CRYL1: variants seen among roughly 807,000 people sequenced by gnomAD.
CRYL1 encodes the protein crystallin lambda 1.
A neutral mutation model predicts 36.6 loss-of-function variants in CRYL1; 29 were observed. That is an observed-to-expected ratio of 0.79 (90% confidence interval 0.59 to 1.08). The LOEUF is 1.08. Among genes scored for constraint, CRYL1 ranks in the 50% least tolerant of loss-of-function variants. The pLI is 0.00. For synonymous variants in CRYL1, 152 were observed against 151.5 expected (o/e 1.00, Z -0.02); for missense variants, 411 against 407.9 (o/e 1.01, Z -0.06).
At chr13:20,411,483 G>GA (rs149305407) in intron 6 of CRYL1, among the ~76,000 whole-genome samples, 3,395 of 150,948 alleles carry the variant, frequency 0.022, 70 homozygotes, top group Admixed American at 0.032. Flanking sequence ...TTTTTCTCAA[G>GA]AAAAAAAAGG....
intron 7 of CRYL1, 80 bp from the exon 8 acceptor site, chr13:20,404,322 C>T (rs1456215815): frequency 3.6e-5 from 34 of 953,112 alleles, no homozygotes. Flanking sequence ...CTTGTTTATG[C>T]AAACTGTGCA....
chr13:20,404,647 C>A lies in CRYL1; in HGVS notation c.834G>T (p.Glu278Asp), dbSNP rs1565953574. 1 of 1,611,102 alleles carries A rather than the reference C, an allele frequency of 6.2e-7. No homozygotes were observed. The highest frequency in any genetic ancestry group is 8.5e-7 in the Non-Finnish European group (1 of 1,177,288). Residue 278 changes from glutamate (E) to aspartate (D), a missense_variant, in exon 7 of 8, where the codon GAG (glutamate) becomes GAT (aspartate). Coordinates refer to ENST00000298248, the MANE Select transcript of CRYL1 (RefSeq NM_015974.3). The stretch of plus-strand genomic sequence containing the variant: ...AGAAGTTACATACCTGGTTAACCTT[C>A]TCAGCAGTGGCCCTGGAAAACTCTG... ...PIPEFSRATAEKVNQDMCMKV... is the reference protein window; with the variant it reads ...PIPEFSRATADKVNQDMCMKV...
intron 4 of CRYL1, among the ~76,000 whole-genome samples, chr13:20,436,118 C>T (rs1293889990): frequency 6.6e-6 from 1 of 152,194 alleles, no homozygotes; most frequent in Non-Finnish European, 1.5e-5. Context: ...GAAAAGGCCA[C>T]GCACAAGCAA....
intron 1 of CRYL1, among the ~76,000 whole-genome samples, chr13:20,519,241 G>T (rs999726088): frequency 1.3e-5 from 2 of 152,180 alleles, no homozygotes; most frequent in Non-Finnish European, 1.5e-5. Context: ...TGGGAGGGGG[G>T]TGTAGTCAGG....
chr13:20,512,298 C>A, intron 2 of CRYL1, 145 bp downstream of exon 2: 1 of 600,848 alleles, frequency 1.7e-6, no homozygotes, highest in South Asian at 2.2e-5. Context: ...TAGGCCTGGC[C>A]TTTACCAACT....
chr13:20,498,366 TACAC>T lies in CRYL1; in HGVS notation c.150-8874_150-8871del, dbSNP rs1458124545. On this transcript the variant is annotated intron_variant, in intron 2 of 7. Transcript: ENST00000298248. ...TCATACACACACTATACACACCACT[TACAC>T]ACACTACGCACACCACATACATACT... Among the ~76,000 whole-genome samples the T allele has an allele frequency of 1.6e-4, 17 of 104,006 alleles. No individual in the cohort carries two copies. In the East Asian group the frequency reaches 1.7e-3, roughly 10 times the overall value. The allele number at this position is 104,006 out of a possible 152,430, so 68.2% of individuals were successfully genotyped here.
chr13:20,525,658 G>A lies in CRYL1; in HGVS notation c.41+96C>T. 2 of 1,047,298 alleles carry A rather than the reference G, an allele frequency of 1.9e-6. No homozygotes were observed. Among genetic ancestry groups the A allele is most frequent in the Non-Finnish European group, 2.5e-6 (2 of 812,226 alleles). The allele number at this position is 1,047,298 out of a possible 1,614,324, so 64.9% of individuals were successfully genotyped here. On this transcript the variant is annotated intron_variant, in intron 1 of 7. Transcript: ENST00000298248. The surrounding 1 kb of genome is among the most constrained non-coding windows in gnomAD (Gnocchi z 4.3). ...GACCGGAGGCCGGGGCGGGGACAGC[G>A]ACCCGGCGCCCACCCCGAGGGCCCC...
At chr13:20,508,859 A>AAAAC (rs1565988244) in intron 2 of CRYL1, among the ~76,000 whole-genome samples, 2 of 36,958 alleles carry the variant, frequency 5.4e-5, no homozygotes, top group African/African-American at 1.7e-4. Context: ...AAAAAAAAAA[A>AAAAC]AAAAAAAAAA....
intron 1 of CRYL1, chr13:20,513,593 A>G (rs1460957009): frequency 6.6e-6 from 1 of 152,224 alleles, no homozygotes; most frequent in Non-Finnish European, 1.5e-5. Context: ...CAAGGGTGAT[A>G]AGTTATGGAT....
Position 20,425,002 on chromosome 13 carries a change from C to G in CRYL1, c.633+7100G>C, listed in dbSNP as rs1284855682. 6.6e-6 allele frequency among the ~76,000 whole-genome samples: 1 copy of G among 152,184 alleles called. No homozygotes were observed. The highest frequency in any genetic ancestry group is 1.5e-5 in the Non-Finnish European group (1 of 68,020). ...CTGGCTCCCCCAACTTCCCTACACA[C>G]TGGGCCCATCGCTCTATGTGACTTC... is the stretch of plus-strand genomic sequence containing the variant. On this transcript the variant is annotated intron_variant, in intron 5 of 7. Coordinates refer to ENST00000298248, the MANE Select transcript of CRYL1 (RefSeq NM_015974.3). This position sits in a 1 kb window ranked among gnomAD's most constrained non-coding sequence, Gnocchi z 4.4.
At chr13:20,452,638 A>G (rs1363424669) in intron 3 of CRYL1, among the ~76,000 whole-genome samples, 5 of 152,186 alleles carry the variant, frequency 3.3e-5, no homozygotes, top group African/African-American at 1.2e-4. Flanking sequence ...ATACATGTCA[A>G]TATACATTTG....
Position 20,429,959 on chromosome 13 carries a change from C to T in CRYL1, c.633+2143G>A, listed in dbSNP as rs1198286059. 6.6e-5 allele frequency among the ~76,000 whole-genome samples: 10 copies of T among 152,260 alleles called. No homozygotes were observed. In the South Asian group the frequency reaches 1.0e-3, roughly 16 times the overall value. ...GGCCAACGGAGGTGCTGCCACTGAG[C>T]GGTGATGGTCAAGGTCAGCACCACG... On this transcript the variant is annotated intron_variant, in intron 5 of 7. Coordinates refer to ENST00000298248, the MANE Select transcript of CRYL1 (RefSeq NM_015974.3).
chr13:20,445,125 G>A (rs1483467126), intron 3 of CRYL1, among the ~76,000 whole-genome samples: 1 of 152,190 alleles, frequency 6.6e-6, no homozygotes, highest in African/African-American at 2.4e-5. Flanking sequence ...AAAAGTTTAT[G>A]TGAAGGACAT....
chr13:20,479,150 A>G (rs1229468999), intron 3 of CRYL1, among the ~76,000 whole-genome samples: 1 of 152,180 alleles, frequency 6.6e-6, no homozygotes, highest in Non-Finnish European at 1.5e-5. Flanking sequence ...GGTTAAAACT[A>G]TTTTAGGAAC....
At chr13:20,472,108 G>A (rs1249563167) in intron 3 of CRYL1, among the ~76,000 whole-genome samples, 5 of 152,052 alleles carry the variant, frequency 3.3e-5, no homozygotes, top group Non-Finnish European at 5.9e-5. Flanking sequence ...TGATCCACCC[G>A]CCTTAGCCTC....
intron 5 of CRYL1, chr13:20,431,574 T>A: frequency 9.9e-7 from 1 of 1,011,740 alleles, no homozygotes; most frequent in Non-Finnish European, 1.2e-6. Flanking sequence ...CCATGTAAAA[T>A]CCTTTCATTA....
intron 3 of CRYL1, among the ~76,000 whole-genome samples, chr13:20,473,521 G>A (rs2033102580): frequency 1.3e-5 from 2 of 152,254 alleles, no homozygotes; most frequent in African/African-American, 4.8e-5. Flanking sequence ...TGGCCAGAGT[G>A]GGTGGGCGGG....
At chr13:20,464,230 C>A (rs756985528) in intron 3 of CRYL1, among the ~76,000 whole-genome samples, 1 of 152,100 alleles carries the variant, frequency 6.6e-6, no homozygotes, top group Non-Finnish European at 1.5e-5. Context: ...CCTATCTCTA[C>A]TAAAAATACA....
chr13:20,404,221 C>T lies in CRYL1; in HGVS notation c.868G>A (p.Asp290Asn). 1.2e-6 allele frequency: 2 copies of T among 1,612,958 alleles called. No homozygotes were observed. Among genetic ancestry groups the T allele is most frequent in the Non-Finnish European group, 1.7e-6 (2 of 1,179,048 alleles). ...CTGGCAGCTAAGTGCTCCGGGTCAT[C>T]AGGGACCTTCATGCACATGTCCTGC... ...VNQDMCMKVPDDPEHLAARRQ... is the reference protein window; with the variant it reads ...VNQDMCMKVPNDPEHLAARRQ... The change falls in exon 8 of 8, where the codon GAT becomes AAT. Residue 290 changes from aspartate to asparagine, a missense_variant. Physicochemically the swap from Asp to Asn is conservative, Grantham distance 23. Transcript: ENST00000298248.
Sources: gnomAD v4.1 joint callset for allele counts (sites outside exome capture counted in the v4.1 genomes callset) on GRCh38, gnomAD v4.1.1 for gene constraint, Gnocchi (gnomAD v3.1) non-coding constraint, MANE v1.5 for transcripts, NCBI Gene and HGNC (gene_info 2026-07-23, HGNC 2026-07-21) for gene names.